Variants in VWDE observed in about 807,000 individuals in gnomAD.
VWDE encodes von Willebrand factor D and EGF domains, also known as von Willebrand factor D and EGF domain-containing protein.
Under a neutral mutation model 178.4 loss-of-function variants are expected in VWDE, and 207 were observed. That is an observed-to-expected ratio of 1.16 (90% confidence interval 1.04 to 1.30). The LOEUF (loss-of-function observed/expected upper bound fraction) is 1.30. Ranked by LOEUF, VWDE falls within the 50% of genes most tolerant of loss-of-function variation. The probability of loss-of-function intolerance (pLI) is 0.00; values close to 1 mark genes in which losing one functional copy is unlikely to be tolerated. For missense variants in VWDE, 2,287 were observed against 1,901.3 expected (o/e 1.20, Z -3.77); for synonymous variants, 738 against 651.4 (o/e 1.13, Z -2.02).
At chr7:12,385,062 A>T (rs1250642396) in intron 3 of VWDE, among the ~76,000 whole-genome samples, 1 of 152,112 alleles carries the variant, frequency 6.6e-6, no homozygotes, top group Non-Finnish European at 1.5e-5. Flanking sequence ...AATATTTCAA[A>T]TATATAAACT....
chr7:12,386,400 G>A (rs1226745487), intron 3 of VWDE, among the ~76,000 whole-genome samples: 1 of 152,110 alleles, frequency 6.6e-6, no homozygotes, highest in Non-Finnish European at 1.5e-5. Context: ...AGAATGTGAA[G>A]GTTTACCAGC....
intron 1 of VWDE, among the ~76,000 whole-genome samples, chr7:12,396,754 TA>T (rs60278932): frequency 0.087 from 12,166 of 139,894 alleles, 972 homozygotes; most frequent in African/African-American, 0.22. Flanking sequence ...CATCTCTACT[TA>T]AAAAAAAAAA....
At chr7:12,338,280 C>G (rs541450204) in intron 24 of VWDE, among the ~76,000 whole-genome samples, 1 of 151,754 alleles carries the variant, frequency 6.6e-6, no homozygotes, top group East Asian at 1.9e-4. Flanking sequence ...TTTTTTGGTT[C>G]ATGCTTGAGT....
At chr7:12,367,209 A>G (rs1782908110) in intron 13 of VWDE, 148 bp downstream of exon 13, 1 of 530,420 alleles carries the variant, frequency 1.9e-6, no homozygotes, top group South Asian at 7.8e-5. Flanking sequence ...CGTCAACATT[A>G]TGTAACTTAA....
rs1015058953 is a variant in VWDE, at chr7:12,370,765, C to T, written c.1687G>A (p.Gly563Arg). 1.9e-6 allele frequency: 3 copies of T among 1,549,756 alleles called. No individual in the cohort carries two copies. In the African/African-American group the frequency reaches 4.1e-5, roughly 21 times the overall value. Residue 563 changes from glycine (G) to arginine (R), a missense_variant, in exon 11 of 29, where the codon GGA becomes AGA. Physicochemically the swap from Gly to Arg is moderately radical, Grantham distance 125 (BLOSUM62 -2). Coordinates refer to ENST00000275358, the MANE Select transcript of VWDE (RefSeq NM_001135924.3). ...TTTTCATCAAAGGTTCCACAAAGTC[C>T]CAGAGTGTTTCTGTAATCTACACTA... ...APSVDYRNTLGLCGTFDENPE... is the reference protein window; with the variant it reads ...APSVDYRNTLRLCGTFDENPE...
intron 5 of VWDE, among the ~76,000 whole-genome samples, 195 bp downstream of exon 5, chr7:12,380,291 A>C (rs1047726151): frequency 2.6e-5 from 4 of 151,566 alleles, no homozygotes; most frequent in African/African-American, 9.7e-5. Flanking sequence ...ATATATTCAT[A>C]TATAGTCACT....
Position 12,342,148 on chromosome 7 carries a change from CA to C in VWDE, c.4180del (p.Cys1394ValfsTer76). 1 of 1,551,108 alleles carries C rather than the reference CA, an allele frequency of 6.4e-7. No homozygotes were observed. Among genetic ancestry groups the C allele is most frequent in the Non-Finnish European group, 8.7e-7 (1 of 1,146,610 alleles). ...FVGPRCETMV[C>X]NRHCENGGQC... Reference sequence around the variant, plus strand: ...GCCTCCATTTTCACAGTGCCTGTTACAAACCACTGAGATCATAGAATAAAGA... The same window carrying C: ...GCCTCCATTTTCACAGTGCCTGTTACAACCACTGAGATCATAGAATAAAGA... On this transcript the variant is annotated frameshift_variant, in exon 23 of 29. Transcript: ENST00000275358. LOFTEE classifies it high-confidence loss of function.
chr7:12,362,821 A>G (rs1194043226), intron 13 of VWDE, among the ~76,000 whole-genome samples: 1 of 152,126 alleles, frequency 6.6e-6, no homozygotes, highest in Non-Finnish European at 1.5e-5. Flanking sequence ...TAGCAGATCT[A>G]CCAGTGGTTT....
At chr7:12,375,714 C>G (rs1783491469) in intron 7 of VWDE, among the ~76,000 whole-genome samples, 1 of 151,942 alleles carries the variant, frequency 6.6e-6, no homozygotes, top group Non-Finnish European at 1.5e-5. Context: ...GGCTTATCAT[C>G]TCAAAAAATA....
chr7:12,395,628 TTA>T (rs1269792162), intron 1 of VWDE, among the ~76,000 whole-genome samples: 1 of 151,984 alleles, frequency 6.6e-6, no homozygotes, highest in Non-Finnish European at 1.5e-5. Context: ...TACTCAATAT[TTA>T]TCTTATAAGA....
At chr7:12,347,224 T>C (rs1488489728) in intron 19 of VWDE, among the ~76,000 whole-genome samples, 1 of 152,132 alleles carries the variant, frequency 6.6e-6, no homozygotes, top group Non-Finnish European at 1.5e-5. Context: ...AGAACCAAAT[T>C]GTTTTAAGTG....
At chr7:12,375,491 T>C (rs1783475581) in intron 7 of VWDE, among the ~76,000 whole-genome samples, 1 of 151,960 alleles carries the variant, frequency 6.6e-6, no homozygotes, top group Non-Finnish European at 1.5e-5. Context: ...TATAAACCTG[T>C]ATGCAACTGA....
At chr7:12,353,630 A>G (rs541697868) in intron 18 of VWDE, among the ~76,000 whole-genome samples, 5 of 50,430 alleles carry the variant, frequency 9.9e-5, no homozygotes, top group African/African-American at 3.0e-4. Flanking sequence ...TTTTTCCTAT[A>G]TATTTGAAGT....
chr7:12,392,835 G>C (rs1442332822), intron 2 of VWDE, among the ~76,000 whole-genome samples: 1 of 150,074 alleles, frequency 6.7e-6, no homozygotes, highest in African/African-American at 2.4e-5. Flanking sequence ...CATCCGATGT[G>C]AGTTCATGTA....
chr7:12,345,183 A>G (rs1176011552), intron 19 of VWDE, among the ~76,000 whole-genome samples: 1 of 152,044 alleles, frequency 6.6e-6, no homozygotes, highest in Non-Finnish European at 1.5e-5. Flanking sequence ...TAATATTAAC[A>G]TGATTTTAAT....
At chr7:12,353,561 T>G (rs1782060777) in intron 18 of VWDE, among the ~76,000 whole-genome samples, 1 of 152,202 alleles carries the variant, frequency 6.6e-6, no homozygotes, top group Non-Finnish European at 1.5e-5. Context: ...TCAACTTGCT[T>G]CTTTATTATC....
Position 12,335,229 on chromosome 7 carries a change from T to C in VWDE, c.4654+912A>G, listed in dbSNP as rs937126034. The stretch of plus-strand genomic sequence containing the variant: ...AATCATTTGGAAATATTTTGAGGGA[T>C]TTGCAGTTTTTCCCATTAAGTTAAT... On this transcript the variant is annotated intron_variant, in intron 27 of 28. Transcript: ENST00000275358. Among the ~76,000 whole-genome samples the C allele has an allele frequency of 3.9e-5, 6 of 152,300 alleles. No individual in the cohort carries two copies. The East Asian group carries it at 1.2e-3, about 29-fold the overall frequency.
intron 19 of VWDE, among the ~76,000 whole-genome samples, chr7:12,347,693 C>G (rs10268012): frequency 6.6e-6 from 1 of 151,918 alleles, no homozygotes; most frequent in African/African-American, 2.4e-5. Flanking sequence ...AAGCTACCAA[C>G]GACTTTCTTC....
Position 12,359,567 on chromosome 7 carries a change from G to C in VWDE, c.3274+11C>G. The stretch of plus-strand genomic sequence containing the variant: ...TATAGGAAATATTTGGATTAATAAA[G>C]AGTAACTTACTTTCTAAAAATGACC... On this transcript the variant is annotated intron_variant, in intron 16 of 28. Coordinates refer to ENST00000275358, the MANE Select transcript of VWDE (RefSeq NM_001135924.3). 6.7e-7 allele frequency: 1 copy of C among 1,489,280 alleles called. No homozygotes were observed. Among genetic ancestry groups the C allele is most frequent in the Non-Finnish European group, 9.1e-7 (1 of 1,094,044 alleles). 92.3% of individuals were successfully genotyped at this position (1,489,280 alleles called of 1,614,324 possible).
Sources: gnomAD v4.1 joint callset for allele counts (sites outside exome capture counted in the v4.1 genomes callset) on GRCh38, gnomAD v4.1.1 for gene constraint, MANE v1.5 for transcripts, NCBI Gene and HGNC (gene_info 2026-07-23, HGNC 2026-07-21) for gene names.